Variants in KAZN observed in about 807,000 individuals in gnomAD.
KAZN encodes the protein kazrin.
Under a neutral mutation model 87.4 loss-of-function variants are expected in KAZN, and 40 were observed. That is an observed-to-expected ratio of 0.46 (90% CI 0.36 to 0.60). KAZN has a LOEUF of 0.60. Among genes scored for constraint, KAZN ranks in the 20% least tolerant of loss-of-function variants. The pLI is 0.00. For missense variants in KAZN, 898 were observed against 1,073.9 expected, an observed-to-expected ratio of 0.84 and a Z score of 2.29; for synonymous variants, 466 against 458.3, an observed-to-expected ratio of 1.02 and a Z score of -0.22.
chr1:14,561,473 T>C (rs1156495344), intron 2 of KAZN, among the ~76,000 whole-genome samples: 1 of 152,306 alleles, frequency 6.6e-6, no homozygotes, highest in East Asian at 1.9e-4. Context: ...TTCTTACCCC[T>C]GGGCCAATCA....
rs547742978 is a variant in KAZN, at chr1:14,180,319, A to G, written c.92-116A>G. On this transcript the variant is annotated intron_variant, in intron 1 of 16. Transcript: ENST00000636203. ...TATAGATGTGTCAAGTTCTTGATAC[A>G]TGCCTGGCTTAGACCTTGTATGTAC... 21 of 811,218 alleles carry G rather than the reference A, an allele frequency of 2.6e-5. No homozygotes were observed. In the South Asian group the frequency reaches 4.0e-4, roughly 16 times the overall value. 50.3% of individuals were successfully genotyped at this position (811,218 alleles called of 1,614,324 possible). A position where few individuals can be genotyped will look rare whatever the true frequency, so the allele number is the denominator to read the frequency against.
intron 1 of KAZN, among the ~76,000 whole-genome samples, chr1:14,807,015 T>C (rs1038820721): frequency 6.6e-6 from 1 of 152,150 alleles, no homozygotes; most frequent in Non-Finnish European, 1.5e-5. Context: ...GAGATTGAGA[T>C]GGTTGGCAGG....
At chr1:14,259,050 C>G (rs1217033103) in intron 2 of KAZN, among the ~76,000 whole-genome samples, 3 of 151,968 alleles carry the variant, frequency 2.0e-5, no homozygotes, top group African/African-American at 7.3e-5. Flanking sequence ...ATTGACATGT[C>G]CAACGAGCTG....
intron 2 of KAZN, among the ~76,000 whole-genome samples, chr1:14,340,834 T>C (rs1657633049): frequency 6.6e-6 from 1 of 151,768 alleles, no homozygotes; most frequent in Admixed American, 6.6e-5. Context: ...ATGAGTAAAA[T>C]GAAAATGTTT....
At chr1:14,468,163 C>G (rs888397738) in intron 2 of KAZN, among the ~76,000 whole-genome samples, 2 of 152,050 alleles carry the variant, frequency 1.3e-5, no homozygotes, top group Non-Finnish European at 2.9e-5. Flanking sequence ...GAAAAAAAGT[C>G]AAGCTAAAAA....
chr1:13,935,252 G>GTAGTAATAATAATAATAATAA (rs1553175647), intron 1 of KAZN, among the ~76,000 whole-genome samples: 23,262 of 146,594 alleles, frequency 0.16, 2,468 homozygotes, highest in Admixed American at 0.3. Flanking sequence ...AGTAGTAGTA[G>GTAGTAATAATAATAATAATAA]TAATAATAAT....
chr1:14,542,403 C>G (rs913043220), intron 2 of KAZN, among the ~76,000 whole-genome samples: 2 of 151,542 alleles, frequency 1.3e-5, no homozygotes, highest in African/African-American at 4.9e-5. Flanking sequence ...ATGTAACAAA[C>G]CTGCACGTTG....
intron 1 of KAZN, among the ~76,000 whole-genome samples, chr1:14,010,766 G>A (rs1054331318): frequency 6.6e-6 from 1 of 152,196 alleles, no homozygotes; most frequent in Non-Finnish European, 1.5e-5. Context: ...AGCCCAAAAG[G>A]ATCTGAGTGA....
intron 2 of KAZN, among the ~76,000 whole-genome samples, chr1:14,468,813 C>A (rs561872123): frequency 1.0e-3 from 154 of 152,302 alleles, no homozygotes; most frequent in Non-Finnish European, 2.1e-3. Context: ...GGCATCTCTG[C>A]GGGTAGGCAT....
chr1:15,036,354 T>TCGGCCCAGCCCTCCCCTGCCCTGCCTGCC (rs2100243538), intron 3 of KAZN, among the ~76,000 whole-genome samples: 1 of 30,420 alleles, frequency 3.3e-5, no homozygotes, highest in South Asian at 7.9e-4. Context: ...CCCTGCCTGC[T>TCGGCCCAGCCCTCCCCTGCCCTGCCTGCC]CGGCCCAGCC....
intron 2 of KAZN, among the ~76,000 whole-genome samples, chr1:14,240,329 G>T (rs527745484): frequency 3.9e-5 from 6 of 152,356 alleles, no homozygotes; most frequent in African/African-American, 1.4e-4. Flanking sequence ...CGACACCTCT[G>T]TGTGCCTAGA....
At chr1:14,272,865 AAAAAT>A (rs1487188469) in intron 2 of KAZN, among the ~76,000 whole-genome samples, 2 of 152,078 alleles carry the variant, frequency 1.3e-5, no homozygotes, top group African/African-American at 4.8e-5. Context: ...CTCAAAAACA[AAAAAT>A]AAAATAAAAA....
intron 2 of KAZN, among the ~76,000 whole-genome samples, chr1:14,440,610 C>A (rs1048715427): frequency 6.6e-6 from 1 of 152,154 alleles, no homozygotes; most frequent in African/African-American, 2.4e-5. Context: ...ATGCTTAGAA[C>A]TGGCTACATA....
At chr1:14,887,721 A>G (rs1281295360) in intron 1 of KAZN, among the ~76,000 whole-genome samples, 11 of 146,544 alleles carry the variant, frequency 7.5e-5, no homozygotes, top group South Asian at 4.4e-4. Flanking sequence ...GGGATTTTTC[A>G]GGACGCAGCT....
Position 15,104,165 on chromosome 1 carries a change from T to C in KAZN, c.2024T>C (p.Met675Thr). 1 of 1,593,228 alleles carries C rather than the reference T, an allele frequency of 6.3e-7. No individual in the cohort carries two copies. Among genetic ancestry groups the C allele is most frequent in the South Asian group, 1.1e-5 (1 of 87,354 alleles). ...HILRRHLAEE[M>T]SAVFHPANST... ...CTCCGGAGACACCTGGCAGAGGAGA[T>C]GAGCGCCGTCTTCCACCCAGCCAAG... The change falls in exon 13 of 15, where the codon ATG (methionine) becomes ACG (threonine). Residue 675 changes from methionine (M) to threonine (T), a missense_variant. Met to Thr is a moderately conservative substitution (Grantham distance 81). Coordinates refer to ENST00000376030, the MANE Select transcript of KAZN (RefSeq NM_201628.3).
At chr1:15,109,721 A>C (rs1641425490) in intron 13 of KAZN, among the ~76,000 whole-genome samples, 2 of 144,504 alleles carry the variant, frequency 1.4e-5, no homozygotes, top group African/African-American at 5.0e-5. Flanking sequence ...GTTTGTGTGT[A>C]TATATCTGTG....
At chr1:14,919,263 G>A (rs1228098795) in intron 1 of KAZN, among the ~76,000 whole-genome samples, 3 of 152,106 alleles carry the variant, frequency 2.0e-5, no homozygotes, top group South Asian at 2.1e-4. Context: ...TGCAACCTCC[G>A]CCTCCCAGGT....
chr1:13,947,424 C>T (rs1641187867), intron 1 of KAZN, among the ~76,000 whole-genome samples: 2 of 152,182 alleles, frequency 1.3e-5, no homozygotes, highest in Admixed American at 6.5e-5. Flanking sequence ...CACCTCCCAC[C>T]TGGTCCCTTC....
chr1:14,369,518 A>AG (rs1346488804), intron 2 of KAZN, among the ~76,000 whole-genome samples: 1 of 152,174 alleles, frequency 6.6e-6, no homozygotes, highest in Non-Finnish European at 1.5e-5. Flanking sequence ...GAATGGTAAA[A>AG]GGGAAGAGGG....
Sources: gnomAD v4.1 joint callset for allele counts (sites outside exome capture counted in the v4.1 genomes callset) on GRCh38, gnomAD v4.1.1 for gene constraint, MANE v1.5 for transcripts, NCBI Gene and HGNC (gene_info 2026-07-23, HGNC 2026-07-21) for gene names.